The following KIAA1217 variants were observed in gnomAD, a reference collection of about 807,000 sequenced individuals.
The protein encoded by KIAA1217 is sickle tail protein homolog.
Under a neutral mutation model 163.9 loss-of-function variants are expected in KIAA1217, and 88 were observed. The observed-to-expected ratio is 0.54, with a 90% CI of 0.45 to 0.64. KIAA1217 has a LOEUF of 0.64. KIAA1217 is among the 30% of genes least tolerant of loss of function. The probability of loss-of-function intolerance (pLI) is 0.00; values close to 1 mark genes in which losing one functional copy is unlikely to be tolerated. For missense variants in KIAA1217, 2,372 were observed against 2,475.0 expected, an observed-to-expected ratio of 0.96 and a Z score of 0.88; for synonymous variants, 903 against 923.1, an observed-to-expected ratio of 0.98 and a Z score of 0.39.
At chr10:23,963,902 T>C (rs1371295202) in intron 1 of KIAA1217, among the ~76,000 whole-genome samples, 2 of 151,076 alleles carry the variant, frequency 1.3e-5, no homozygotes, top group Admixed American at 1.3e-4. Flanking sequence ...CTTTTCTTTT[T>C]TTTTTTTTTT....
intron 1 of KIAA1217, among the ~76,000 whole-genome samples, chr10:23,701,837 A>G (rs756289577): frequency 6.6e-6 from 1 of 152,218 alleles, no homozygotes; most frequent in Non-Finnish European, 1.5e-5. Context: ...ACATTTATGT[A>G]TAAATTAGCA....
intron 5 of KIAA1217, chr10:24,449,732 T>C (rs2061244189): frequency 2.0e-6 from 2 of 985,420 alleles, no homozygotes; most frequent in African/African-American, 1.7e-5. Context: ...AGAAAGTTTC[T>C]TCTAGAAAAG....
rs1352638792 is a variant in KIAA1217, at chr10:23,908,754, G to A, written c.-320-98471G>A. ...ATCAAAAAATCAAAAAATAATAGAT[G>A]TTGGCATGCATGCGGTGAACAGGGA... is the stretch of plus-strand genomic sequence containing the variant. On this transcript the variant is annotated intron_variant, in intron 1 of 18. Transcript: ENST00000376462. Among the ~76,000 whole-genome samples the A allele has an allele frequency of 2.0e-5, 3 of 152,094 alleles. No homozygotes were observed. The East Asian group carries it at 5.8e-4, about 29-fold the overall frequency.
In KIAA1217 at chr10:23,704,188, A is replaced by G. The variant is rs1197261014; in HGVS notation, c.-321+8954A>G. Among the ~76,000 whole-genome samples, 705 of 117,950 alleles carry G rather than the reference A, an allele frequency of 6.0e-3. 9 individuals are homozygous for G. The highest frequency in any genetic ancestry group is 0.018 in the African/African-American group (499 of 28,166). The allele number at this position is 117,950 out of a possible 152,430, so 77.4% of individuals were successfully genotyped here. ...TGTGTGTGTGTATATATATATATATATATATATATATATATATATATATAG... is the reference window on the plus strand; with the variant it reads ...TGTGTGTGTGTATATATATATATATGTATATATATATATATATATATATAG... On this transcript the variant is annotated intron_variant, in intron 1 of 18. Coordinates refer to the KIAA1217 transcript ENST00000376462.
At chr10:23,984,682 T>C (rs938734773) in intron 1 of KIAA1217, among the ~76,000 whole-genome samples, 5 of 151,610 alleles carry the variant, frequency 3.3e-5, no homozygotes, top group African/African-American at 9.7e-5. Flanking sequence ...AAACACCACA[T>C]GTTCTCACTC....
intron 3 of KIAA1217, among the ~76,000 whole-genome samples, chr10:24,417,326 T>C (rs890664101): frequency 1.3e-5 from 2 of 152,120 alleles, no homozygotes; most frequent in East Asian, 3.9e-4. Flanking sequence ...GTTGCCTTCT[T>C]CAGTAGATCT....
intron 1 of KIAA1217, among the ~76,000 whole-genome samples, chr10:23,716,078 G>A (rs1021462785): frequency 1.3e-5 from 2 of 152,028 alleles, no homozygotes; most frequent in African/African-American, 2.4e-5. Context: ...AAGCTTTTAC[G>A]GAAGCGTTCT....
chr10:23,779,443 T>C (rs1835157087), intron 1 of KIAA1217, among the ~76,000 whole-genome samples: 1 of 152,278 alleles, frequency 6.6e-6, no homozygotes, highest in Non-Finnish European at 1.5e-5. Flanking sequence ...GCCTCCAGAG[T>C]TGCTTATTCA....
chr10:24,347,489 G>C (rs554295023), intron 2 of KIAA1217, among the ~76,000 whole-genome samples: 1 of 152,058 alleles, frequency 6.6e-6, no homozygotes, highest in South Asian at 2.1e-4. Flanking sequence ...TATTACAAAC[G>C]TGCCAGCTTT....
chr10:23,769,430 C>T (rs912801635), intron 1 of KIAA1217, among the ~76,000 whole-genome samples: 9 of 152,272 alleles, frequency 5.9e-5, no homozygotes, highest in Non-Finnish European at 1.3e-4. Flanking sequence ...TTGTAGCCTC[C>T]GGCTTCATGA....
At chr10:23,841,390 G>C (rs751830926) in intron 1 of KIAA1217, among the ~76,000 whole-genome samples, 7 of 152,080 alleles carry the variant, frequency 4.6e-5, no homozygotes, top group Non-Finnish European at 7.4e-5. Flanking sequence ...GCAGTGAAAT[G>C]GTACACAGTC....
At chr10:23,796,522 C>G (rs375710617) in intron 1 of KIAA1217, among the ~76,000 whole-genome samples, 37 of 152,194 alleles carry the variant, frequency 2.4e-4, no homozygotes, top group African/African-American at 8.9e-4. Context: ...CACTACCACA[C>G]TGGTTAATTT....
chr10:23,822,236 G>A (rs934991600), intron 1 of KIAA1217, among the ~76,000 whole-genome samples: 1 of 152,164 alleles, frequency 6.6e-6, no homozygotes, highest in African/African-American at 2.4e-5. Context: ...GTTTCTGGCA[G>A]TTTCTGTTTT....
chr10:24,359,082 C>T (rs150566271), intron 2 of KIAA1217, among the ~76,000 whole-genome samples: 5,711 of 80,942 alleles, frequency 0.071, 128 homozygotes, highest in East Asian at 0.11. Context: ...TTCTTTCTTT[C>T]TTTTTTTTTT....
At chr10:23,947,212 G>A (rs1162933656) in intron 1 of KIAA1217, among the ~76,000 whole-genome samples, 8 of 152,054 alleles carry the variant, frequency 5.3e-5, no homozygotes, top group Non-Finnish European at 1.2e-4. Context: ...ACAGACTAAT[G>A]CACTATATAA....
intron 2 of KIAA1217, among the ~76,000 whole-genome samples, chr10:24,177,258 C>CATATATAT (rs1210930891): frequency 0.029 from 732 of 24,914 alleles, 31 homozygotes; most frequent in East Asian, 0.055. Context: ...CTCTCACCAT[C>CATATATAT]ATATATATAT....
chr10:24,252,317 C>A (rs1165222087), intron 2 of KIAA1217, among the ~76,000 whole-genome samples: 1 of 152,082 alleles, frequency 6.6e-6, no homozygotes, highest in Non-Finnish European at 1.5e-5. Context: ...ATGGCTCACA[C>A]CTGGAATTCC....
chr10:24,238,277 G>A (rs1032675648), intron 2 of KIAA1217, among the ~76,000 whole-genome samples: 3 of 152,118 alleles, frequency 2.0e-5, no homozygotes, highest in Admixed American at 6.5e-5. Flanking sequence ...ATATGACAGC[G>A]ACCTGATAAC....
At chr10:24,309,150 A>ACGGG in intron 2 of KIAA1217, among the ~76,000 whole-genome samples, 1 of 115,532 alleles carries the variant, frequency 8.7e-6, no homozygotes, top group South Asian at 3.5e-4. Context: ...GGAAGGAAGG[A>ACGGG]AGGGAGGGAG....
Sources: gnomAD v4.1 joint callset for allele counts (sites outside exome capture counted in the v4.1 genomes callset) on GRCh38, gnomAD v4.1.1 for gene constraint, MANE v1.5 for transcripts, NCBI Gene and HGNC (gene_info 2026-07-23, HGNC 2026-07-21) for gene names.